Variants in CLEC2B observed in about 807,000 individuals in gnomAD.
CLEC2B encodes C-type (calcium dependent, carbohydrate-recognition domain) lectin, superfamily member 2 (activation-induced).
A neutral mutation model predicts 16.2 loss-of-function variants in CLEC2B; 14 were observed. That is an observed-to-expected ratio of 0.86 (90% CI 0.57 to 1.35). The LOEUF (loss-of-function observed/expected upper bound fraction) is 1.35. CLEC2B is among the 40% of genes most tolerant of loss of function. The pLI is 0.00. For synonymous variants in CLEC2B, 42 were observed against 55.8 expected (o/e 0.75, Z 1.10); for missense variants, 166 against 182.3 (o/e 0.91, Z 0.52).
intron 3 of CLEC2B, chr12:9,856,925 T>C (rs1355070206): frequency 2.6e-5 from 4 of 152,116 alleles, no homozygotes; most frequent in African/African-American, 9.7e-5. Flanking sequence ...AGACTTTTCA[T>C]TTGTACCTGC....
intron 1 of CLEC2B, among the ~76,000 whole-genome samples, chr12:9,868,540 C>T (rs1043242954): frequency 1.3e-5 from 2 of 152,058 alleles, no homozygotes; most frequent in African/African-American, 4.8e-5. Context: ...TTAGTTTCAG[C>T]CTTTTCTCTT....
At chr12:9,867,726 C>T (rs1210726729) in intron 1 of CLEC2B, among the ~76,000 whole-genome samples, 2 of 151,996 alleles carry the variant, frequency 1.3e-5, no homozygotes, top group Non-Finnish European at 2.9e-5. Flanking sequence ...CCAGACAGTT[C>T]GAGAACAATG....
chr12:9,865,771 A>G (rs1455512091), intron 1 of CLEC2B, among the ~76,000 whole-genome samples: 1 of 152,184 alleles, frequency 6.6e-6, no homozygotes, highest in Non-Finnish European at 1.5e-5. Flanking sequence ...AACAAGTCTC[A>G]ATAAATTAAA....
intron 4 of CLEC2B, 53 bp downstream of exon 4, chr12:9,854,328 A>G: frequency 8.3e-7 from 1 of 1,201,640 alleles, no homozygotes; most frequent in Admixed American, 1.9e-5. Context: ...CATAAGTCCT[A>G]GAGAAGGCTG....
At position 9,857,650 on chromosome 12, in the gene CLEC2B, C is replaced by T. The variant is rs1047167601; in HGVS notation, c.74-13G>A. The T allele has an allele frequency of 3.3e-5, 52 of 1,586,660 alleles. No individual in the cohort carries two copies. Among genetic ancestry groups the T allele is most frequent in the Non-Finnish European group, 4.4e-5 (51 of 1,156,822 alleles). ...CGAGTTAGTTTAACTGGAAATGAGA[C>T]AAATATATATCTTAAGTACCATATA... On this transcript the variant is annotated splice_polypyrimidine_tract_variant and intron_variant, in intron 2 of 4. Coordinates refer to ENST00000228438, the MANE Select transcript of CLEC2B (RefSeq NM_005127.3).
chr12:9,853,578 T>C (rs1006220623), intron 4 of CLEC2B, among the ~76,000 whole-genome samples, 170 bp from the exon 5 acceptor site: 1 of 152,228 alleles, frequency 6.6e-6, no homozygotes, highest in Non-Finnish European at 1.5e-5. Flanking sequence ...GAGTTTCTTT[T>C]CCAAGAATTT....
chr12:9,857,590 C>G lies in CLEC2B; in HGVS notation c.121G>C (p.Gly41Arg). 1.1e-5 allele frequency: 17 copies of G among 1,610,850 alleles called. No homozygotes were observed. The highest frequency in any genetic ancestry group is 1.4e-5 in the Non-Finnish European group (17 of 1,177,760). Reference protein sequence around the residue: ...SQSLCPYDWIGFQNKCYYFSK... With the variant: ...SQSLCPYDWIRFQNKCYYFSK... ...AAATAATAGCATTTGTTTTGGAAAC[C>G]AATCCAATCATAGGGGCATAAACTC... The change falls in exon 3 of 5, where the codon GGT becomes CGT. Residue 41 changes from glycine (G) to arginine (R), a missense_variant. Gly to Arg is a moderately radical substitution (Grantham distance 125). Coordinates refer to ENST00000228438, the MANE Select transcript of CLEC2B (RefSeq NM_005127.3).
intron 2 of CLEC2B, among the ~76,000 whole-genome samples, chr12:9,859,555 A>T (rs1051100805): frequency 6.6e-6 from 1 of 151,876 alleles, no homozygotes; most frequent in Admixed American, 6.6e-5. Flanking sequence ...TAAATCTTTA[A>T]CTTAAAAAAT....
chr12:9,854,319 A>G (rs1052532632), intron 4 of CLEC2B, 62 bp downstream of exon 4: 17 of 1,087,400 alleles, frequency 1.6e-5, no homozygotes, highest in African/African-American at 6.4e-5. Context: ...TAGCTAAAGC[A>G]TAAGTCCTAG....
intron 2 of CLEC2B, among the ~76,000 whole-genome samples, chr12:9,860,295 A>C (rs896563349): frequency 2.6e-5 from 4 of 151,734 alleles, no homozygotes; most frequent in Non-Finnish European, 1.5e-5. Context: ...ATAGTTAACT[A>C]TAGCAAATTT....
At chr12:9,866,575 G>A (rs934278873) in intron 1 of CLEC2B, among the ~76,000 whole-genome samples, 3 of 151,870 alleles carry the variant, frequency 2.0e-5, no homozygotes, top group Non-Finnish European at 4.4e-5. Context: ...TAGTTGTCCT[G>A]TTTTTAAATA....
At chr12:9,864,189 A>T (rs1055876482) in intron 1 of CLEC2B, among the ~76,000 whole-genome samples, 4 of 150,906 alleles carry the variant, frequency 2.7e-5, no homozygotes, top group African/African-American at 9.7e-5. Flanking sequence ...CCTGCCATCT[A>T]AGAATACCAT....
chr12:9,856,767 TG>T (rs1168318809), intron 3 of CLEC2B: 1 of 152,120 alleles, frequency 6.6e-6, no homozygotes, highest in Non-Finnish European at 1.5e-5. Context: ...AAGGTAAGTA[TG>T]TTTACAATAT....
intron 2 of CLEC2B, among the ~76,000 whole-genome samples, chr12:9,861,129 CAG>C (rs1393685466): frequency 1.3e-5 from 2 of 151,898 alleles, no homozygotes; most frequent in Non-Finnish European, 2.9e-5. Flanking sequence ...AGACATGACA[CAG>C]AGGGTAAACT....
chr12:9,854,596 T>C (rs983743519), intron 3 of CLEC2B, 112 bp from the exon 4 acceptor site: 1 of 669,440 alleles, frequency 1.5e-6, no homozygotes, highest in South Asian at 1.8e-5. Flanking sequence ...GTTCAACTCC[T>C]GGCCTCACTA....
intron 1 of CLEC2B, among the ~76,000 whole-genome samples, chr12:9,865,438 A>G (rs566786418): frequency 6.6e-6 from 1 of 152,318 alleles, no homozygotes; most frequent in South Asian, 2.1e-4. Flanking sequence ...ATATAATGCT[A>G]AAGAGGTCAA....
At chr12:9,862,240 G>A (rs988695551) in intron 2 of CLEC2B, among the ~76,000 whole-genome samples, 1 of 152,120 alleles carries the variant, frequency 6.6e-6, no homozygotes, top group Admixed American at 6.5e-5. Flanking sequence ...TAGAAGTCAA[G>A]ATAGTGATTA....
chr12:9,862,978 G>C (rs1251977711), intron 1 of CLEC2B, among the ~76,000 whole-genome samples: 1 of 152,094 alleles, frequency 6.6e-6, no homozygotes, highest in East Asian at 1.9e-4. Context: ...GTGCCTGAAC[G>C]AGGACAGGCA....
chr12:9,862,018 A>G (rs1214585050), intron 2 of CLEC2B, among the ~76,000 whole-genome samples: 2 of 152,090 alleles, frequency 1.3e-5, no homozygotes, highest in Admixed American at 1.3e-4. Context: ...ACCTTTTTCC[A>G]TAATAGTGAG....
Sources: gnomAD v4.1 joint callset for allele counts (sites outside exome capture counted in the v4.1 genomes callset) on GRCh38, gnomAD v4.1.1 for gene constraint, MANE v1.5 for transcripts, NCBI Gene and HGNC (gene_info 2026-07-23, HGNC 2026-07-21) for gene names.